ORC2: variants seen among roughly 807,000 people sequenced by gnomAD.
ORC2 encodes origin recognition complex subunit 2, also known as origin recognition complex protein 2 homolog.
A neutral mutation model predicts 77.7 loss-of-function variants in ORC2; 37 were observed. The ratio of observed to expected loss-of-function variants is 0.48; its 90% CI spans 0.37 to 0.63. The LOEUF is 0.63. Among genes scored for constraint, ORC2 ranks in the 20% least tolerant of loss-of-function variants. The pLI is 0.00. For missense variants in ORC2, 557 were observed against 661.9 expected (o/e 0.84, Z 1.74); for synonymous variants, 201 against 229.5 (o/e 0.88, Z 1.12).
Position 200,910,353 on chromosome 2 carries a change from G to A in ORC2, c.*948C>T, listed in dbSNP as rs1241625032. On this transcript the variant is annotated 3_prime_UTR_variant, in exon 18 of 18. Coordinates refer to ENST00000234296, the MANE Select transcript of ORC2 (RefSeq NM_006190.5). ...GGAGGTTTGAAATCATCACTTTAAG[G>A]AAAAAACTGAAATATCTTACAGTGA... is the stretch of plus-strand genomic sequence containing the variant. 1 of 151,962 alleles carries A rather than the reference G, an allele frequency of 6.6e-6. No individual in the cohort carries two copies. Among genetic ancestry groups the A allele is most frequent in the Non-Finnish European group, 1.5e-5 (1 of 67,986 alleles). 9.4% of individuals were successfully genotyped at this position (151,962 alleles called of 1,614,324 possible).
chr2:200,935,421 C>T, intron 9 of ORC2, among the ~76,000 whole-genome samples: 1 of 152,172 alleles, frequency 6.6e-6, no homozygotes, highest in East Asian at 1.9e-4. Context: ...CTGTGCCCAG[C>T]CTAAAAAGTT....
At chr2:200,918,897 G>A (rs16835650) in intron 15 of ORC2, among the ~76,000 whole-genome samples, 166 of 152,110 alleles carry the variant, frequency 1.1e-3, no homozygotes, top group African/African-American at 3.8e-3. Flanking sequence ...TGGAGACAGG[G>A]TCTTGCTCTA....
intron 17 of ORC2, among the ~76,000 whole-genome samples, chr2:200,911,665 T>G (rs555121462): frequency 6.6e-6 from 1 of 152,342 alleles, no homozygotes; most frequent in East Asian, 1.9e-4. Flanking sequence ...CCTGCCCTGT[T>G]TAGAATCTAA....
rs965761292 is a variant in ORC2 at position 200,937,917 on chromosome 2, T to C, written c.503A>G (p.Lys168Arg). ...AAACAAATACGTACCTATTAATCTT[T>C]TTCTTAGACTACGAGGTGCTGTTGA... The part of the protein sequence containing the change: ...FLSTAPRSLR[K>R]RLIVPRSHSD... The change falls in exon 8 of 18, where the codon AAA becomes AGA. Residue 168 changes from lysine (K) to arginine (R), a missense_variant. Coordinates refer to ENST00000234296, the MANE Select transcript of ORC2 (RefSeq NM_006190.5). 15 of 1,597,636 alleles carry C rather than the reference T, an allele frequency of 9.4e-6. No homozygotes were observed. Among genetic ancestry groups the C allele is most frequent in the African/African-American group, 1.3e-5 (1 of 74,326 alleles).
At chr2:200,913,657 A>G in intron 16 of ORC2, 1 of 1,324,034 alleles carries the variant, frequency 7.6e-7, no homozygotes, top group South Asian at 2.1e-5. Flanking sequence ...CTAGAATATG[A>G]AAAATATGTA....
chr2:200,931,327 G>C lies in ORC2; in HGVS notation c.917+12C>G, dbSNP rs192768906. 144 of 1,061,542 alleles carry C rather than the reference G, an allele frequency of 1.4e-4. No homozygotes were observed. The highest frequency in any genetic ancestry group is 3.3e-4 in the Admixed American group (13 of 39,178). The allele number at this position is 1,061,542 out of a possible 1,614,324, so 65.8% of individuals were successfully genotyped here. On this transcript the variant is annotated intron_variant, in intron 11 of 17. Transcript: ENST00000234296. ...TCTTTATTTTACAAGGGTTTGTAAT[G>C]ATAATACTTACTGTAATTGCAGCAT...
intron 17 of ORC2, 90 bp downstream of exon 17, chr2:200,913,205 A>G: frequency 1.1e-6 from 1 of 925,192 alleles, no homozygotes; most frequent in Non-Finnish European, 1.6e-6. Context: ...CATCAGTTTC[A>G]AAATCAGGTC....
chr2:200,933,675 C>T (rs2040982528), intron 10 of ORC2, among the ~76,000 whole-genome samples: 2 of 152,160 alleles, frequency 1.3e-5, no homozygotes, highest in South Asian at 4.1e-4. Flanking sequence ...TCCCAAGGTG[C>T]TGAGATTACA....
intron 7 of ORC2, among the ~76,000 whole-genome samples, chr2:200,939,257 C>T (rs571062153): frequency 1.2e-3 from 182 of 152,036 alleles, no homozygotes; most frequent in African/African-American, 4.1e-3. Flanking sequence ...AGTTTATGTC[C>T]TATTAAACTG....
intron 3 of ORC2, 62 bp from the exon 4 acceptor site, chr2:200,957,606 T>A: frequency 8.4e-7 from 1 of 1,183,726 alleles, no homozygotes; most frequent in Non-Finnish European, 1.1e-6. Flanking sequence ...ACATTACATT[T>A]AAATAAGAAA....
At position 200,909,437 on chromosome 2, in the gene ORC2, A is replaced by G. The variant is rs1016662136; in HGVS notation, c.*1864T>C. The G allele has an allele frequency of 6.6e-6, 1 of 152,040 alleles. No individual in the cohort carries two copies. Among genetic ancestry groups the G allele is most frequent in the African/African-American group, 2.4e-5 (1 of 41,394 alleles). 9.4% of individuals were successfully genotyped at this position (152,040 alleles called of 1,614,324 possible). On this transcript the variant is annotated 3_prime_UTR_variant, in exon 18 of 18. Coordinates refer to ENST00000234296, the MANE Select transcript of ORC2 (RefSeq NM_006190.5). ...TAAGACTAAGCCCTTGGCCAGGCAT[A>G]GTGGCTCACCCCTGATCCCAGTACT...
chr2:200,931,489 G>T, intron 10 of ORC2, 41 bp from the exon 11 acceptor site: 3 of 1,023,004 alleles, frequency 2.9e-6, no homozygotes, highest in Non-Finnish European at 4.4e-6. Context: ...CATTCTCAAA[G>T]CACAGACAGC....
intron 13 of ORC2, among the ~76,000 whole-genome samples, chr2:200,924,323 G>C (rs2040808069): frequency 1.3e-5 from 2 of 152,010 alleles, no homozygotes; most frequent in Admixed American, 6.6e-5. Flanking sequence ...CTCCAGCCTG[G>C]GTGAGAGAGC....
chr2:200,957,326 G>A, intron 4 of ORC2, 75 bp downstream of exon 4: 1 of 1,079,556 alleles, frequency 9.3e-7, no homozygotes, highest in Non-Finnish European at 1.3e-6. Context: ...TAACCTACCA[G>A]ACTACTTTTG....
intron 3 of ORC2, among the ~76,000 whole-genome samples, 163 bp downstream of exon 3, chr2:200,957,867 T>C (rs1362084124): frequency 6.6e-6 from 1 of 152,186 alleles, no homozygotes; most frequent in African/African-American, 2.4e-5. Context: ...AATTAAAGTT[T>C]GAAAGAATTA....
intron 10 of ORC2, among the ~76,000 whole-genome samples, chr2:200,932,788 C>T (rs1271084476): frequency 2.6e-5 from 4 of 152,148 alleles, no homozygotes; most frequent in Non-Finnish European, 1.5e-5. Context: ...ATGCCTCTGC[C>T]ACTGTCATGA....
chr2:200,957,657 A>G, intron 3 of ORC2, 113 bp from the exon 4 acceptor site: 1 of 806,370 alleles, frequency 1.2e-6, no homozygotes, highest in Non-Finnish European at 1.7e-6. Context: ...GCTGGGAAAA[A>G]AGCTTTCTCT....
rs1004935581 is a variant in ORC2, at chr2:200,927,728, C to T, written c.918-828G>A. 2.4e-3 allele frequency among the ~76,000 whole-genome samples: 360 copies of T among 148,442 alleles called. 1 individual carries two copies. Among genetic ancestry groups the T allele is most frequent in the African/African-American group, 8.1e-3 (331 of 40,706 alleles). ...ACTAATTAATAATAATTTTTTTTTT[C>T]GCTCTGTCGCCCAGGCTGGAGTGTA... is the stretch of plus-strand genomic sequence containing the variant. On this transcript the variant is annotated intron_variant, in intron 11 of 17. Coordinates refer to ENST00000234296, the MANE Select transcript of ORC2 (RefSeq NM_006190.5).
chr2:200,962,545 C>T (rs959619198), intron 1 of ORC2, among the ~76,000 whole-genome samples: 1 of 152,158 alleles, frequency 6.6e-6, no homozygotes, highest in African/African-American at 2.4e-5. Flanking sequence ...AAATGATGTG[C>T]CTGATATATA....
Sources: gnomAD v4.1 joint callset for allele counts (sites outside exome capture counted in the v4.1 genomes callset) on GRCh38, gnomAD v4.1.1 for gene constraint, MANE v1.5 for transcripts, NCBI Gene and HGNC (gene_info 2026-07-23, HGNC 2026-07-21) for gene names.